Variants in ASB7 observed in about 807,000 individuals in gnomAD.
ASB7 encodes the protein ankyrin repeat and SOCS box containing 7.
A neutral mutation model predicts 32.5 loss-of-function variants in ASB7; 4 were observed. The ratio of observed to expected loss-of-function variants is 0.12; its 90% CI spans 0.06 to 0.28. The LOEUF is 0.28. Ranked by LOEUF, ASB7 falls within the 10% of genes least tolerant of loss-of-function variation. The pLI, the probability that ASB7 is intolerant of heterozygous loss-of-function variation, is 1.00. For missense variants in ASB7, 181 were observed against 407.1 expected (o/e 0.44, Z 4.78); for synonymous variants, 172 against 155.6 (o/e 1.11, Z -0.78).
rs550837638 is a variant in ASB7, at chr15:100,645,556, A to G, written c.818-2767A>G. The G allele has an allele frequency of 2.3e-5, 16 of 691,024 alleles. 1 individual carries two copies. The Admixed American group carries it at 2.4e-4, about 10-fold the overall frequency. The allele number at this position is 691,024 out of a possible 1,614,324, so 42.8% of individuals were successfully genotyped here. On this transcript the variant is annotated intron_variant, in intron 5 of 5. Transcript: ENST00000332783. Reference sequence around the variant, plus strand: ...CCACATCATAGAGAGGAGCCTTACAACTTCTTGAATCCCACAGCTTGACGG... The same window carrying G: ...CCACATCATAGAGAGGAGCCTTACAGCTTCTTGAATCCCACAGCTTGACGG...
chr15:100,624,393 C>T (rs1009331361), intron 4 of ASB7, among the ~76,000 whole-genome samples: 1 of 152,148 alleles, frequency 6.6e-6, no homozygotes, highest in African/African-American at 2.4e-5. Flanking sequence ...ACATTCTGTG[C>T]ATGTAATAGA....
chr15:100,636,390 G>A (rs549141056), intron 5 of ASB7, among the ~76,000 whole-genome samples: 1 of 152,270 alleles, frequency 6.6e-6, no homozygotes, highest in African/African-American at 2.4e-5. Flanking sequence ...ACTTAAAATA[G>A]GAAAAACATA....
intron 4 of ASB7, among the ~76,000 whole-genome samples, chr15:100,614,592 A>G (rs1384987389): frequency 1.3e-5 from 2 of 152,080 alleles, no homozygotes; most frequent in African/African-American, 4.8e-5. Context: ...TATCAAAACC[A>G]ATGGTGGGGG....
chr15:100,643,474 C>CTTTTTTT (rs1345038322), intron 5 of ASB7, among the ~76,000 whole-genome samples: 2 of 132,600 alleles, frequency 1.5e-5, no homozygotes, highest in African/African-American at 2.9e-5. Flanking sequence ...TCAGTCCCTT[C>CTTTTTTT]TTCTTTTTTT....
chr15:100,627,820 C>A (rs1273931175), intron 4 of ASB7, among the ~76,000 whole-genome samples: 1 of 152,178 alleles, frequency 6.6e-6, no homozygotes, highest in Non-Finnish European at 1.5e-5. Context: ...TTAGAAATGA[C>A]CTCTGGCAAG....
intron 4 of ASB7, among the ~76,000 whole-genome samples, chr15:100,623,077 A>G (rs1456991658): frequency 6.6e-6 from 1 of 152,220 alleles, no homozygotes; most frequent in Non-Finnish European, 1.5e-5. Context: ...CAAGGAACTC[A>G]ACAGTAAAAA....
At chr15:100,617,461 C>T (rs116756306) in intron 4 of ASB7, among the ~76,000 whole-genome samples, 2,014 of 152,292 alleles carry the variant, frequency 0.013, 43 homozygotes, top group African/African-American at 0.043. Context: ...GGTCACGCTT[C>T]TGCTCTCTCC....
At chr15:100,603,791 G>A (rs543759190) in intron 2 of ASB7, among the ~76,000 whole-genome samples, 2 of 152,258 alleles carry the variant, frequency 1.3e-5, no homozygotes, top group African/African-American at 4.8e-5. Context: ...AACTGACAAC[G>A]ATTTGGTAGA....
intron 4 of ASB7, among the ~76,000 whole-genome samples, chr15:100,619,399 T>C (rs1269582789): frequency 6.6e-6 from 1 of 152,206 alleles, no homozygotes; most frequent in African/African-American, 2.4e-5. Context: ...GTAAATTAGC[T>C]AGTTATAGTA....
chr15:100,611,708 G>A (rs932524810), intron 3 of ASB7, among the ~76,000 whole-genome samples: 2 of 151,272 alleles, frequency 1.3e-5, no homozygotes, highest in Non-Finnish European at 2.9e-5. Flanking sequence ...TCAAACTCCT[G>A]GCCTCAAGTG....
Position 100,629,366 on chromosome 15 carries a change from G to T in ASB7, c.212-71G>T. The T allele has an allele frequency of 7.4e-7, 1 of 1,345,536 alleles. No homozygotes were observed. The highest frequency in any genetic ancestry group is 1.0e-6 in the Non-Finnish European group (1 of 969,868). 83.3% of individuals were successfully genotyped at this position (1,345,536 alleles called of 1,614,324 possible). On this transcript the variant is annotated intron_variant, in intron 4 of 5. Coordinates refer to ENST00000332783, the MANE Select transcript of ASB7 (RefSeq NM_198243.3). This position sits in a 1 kb window ranked among gnomAD's most constrained non-coding sequence, Gnocchi z 6.8. ...TTTATATGAGAATTGGCCACAGTTT[G>T]CTGTGCCATGGTAATGTTTGTTGTT...
At chr15:100,621,370 A>G (rs1418500660) in intron 4 of ASB7, among the ~76,000 whole-genome samples, 1 of 152,210 alleles carries the variant, frequency 6.6e-6, no homozygotes, top group Non-Finnish European at 1.5e-5. Flanking sequence ...AATTTTTCAA[A>G]CGTAGGCATT....
At chr15:100,614,240 C>T (rs1317632958) in intron 4 of ASB7, among the ~76,000 whole-genome samples, 1 of 148,612 alleles carries the variant, frequency 6.7e-6, no homozygotes, top group African/African-American at 2.5e-5. Flanking sequence ...TGCCACTGCA[C>T]TCCTGCCTGG....
chr15:100,623,720 CAAAG>C (rs1567114523), intron 4 of ASB7, among the ~76,000 whole-genome samples: 1 of 151,650 alleles, frequency 6.6e-6, no homozygotes. Context: ...ATCCAGCAGT[CAAAG>C]AAAACTCTTA....
In ASB7 at chr15:100,641,155, C is replaced by T. The variant is rs72761278; in HGVS notation, c.818-7168C>T. ...GTGCACATTTGTATTGATTTTTCTT[C>T]TTTCATTCTCTTTATTCTCTTTCTC... On this transcript the variant is annotated intron_variant, in intron 5 of 5. Coordinates refer to ENST00000332783, the MANE Select transcript of ASB7 (RefSeq NM_198243.3). 1.7e-3 allele frequency among the ~76,000 whole-genome samples: 262 copies of T among 152,264 alleles called. 1 individual carries two copies. Among genetic ancestry groups the T allele is most frequent in the Non-Finnish European group, 3.0e-3 (205 of 68,016 alleles).
rs190013875 is a variant in ASB7 at position 100,612,672 on chromosome 15, A to G, written c.211+245A>G. On this transcript the variant is annotated intron_variant, in intron 4 of 5. Coordinates refer to ENST00000332783, the MANE Select transcript of ASB7 (RefSeq NM_198243.3). ...AGTGTCTGTACAGCCAGGTTTGCCC[A>G]GGTTATTTCAGCTAAGCTACCTTTC... 1.8e-4 allele frequency among the ~76,000 whole-genome samples: 27 copies of G among 152,318 alleles called. 1 individual carries two copies. Among genetic ancestry groups the G allele is most frequent in the African/African-American group, 5.8e-4 (24 of 41,578 alleles).
In ASB7 at chr15:100,603,257, G is replaced by A. The variant is rs2039581547; in HGVS notation, c.-230G>A. On this transcript the variant is annotated 5_prime_UTR_variant, in exon 2 of 6. Coordinates refer to ENST00000332783, the MANE Select transcript of ASB7 (RefSeq NM_198243.3). ...AAGACGCGAAAGCAGGAAGAGGTCTGCCCACCTATCAGAGAAGCAGAAGGC... is the reference window on the plus strand; with the variant it reads ...AAGACGCGAAAGCAGGAAGAGGTCTACCCACCTATCAGAGAAGCAGAAGGC... 2 of 357,764 alleles carry A rather than the reference G, an allele frequency of 5.6e-6. No individual in the cohort carries two copies. The highest frequency in any genetic ancestry group is 9.9e-6 in the Non-Finnish European group (2 of 201,326). 22.2% of individuals were successfully genotyped at this position (357,764 alleles called of 1,614,324 possible). A position where few individuals can be genotyped will look rare whatever the true frequency, so the allele number is the denominator to read the frequency against.
At position 100,628,708 on chromosome 15, in the gene ASB7, C is replaced by G. The variant is rs140327188; in HGVS notation, c.212-729C>G. On this transcript the variant is annotated intron_variant, in intron 4 of 5. Coordinates refer to ENST00000332783, the MANE Select transcript of ASB7 (RefSeq NM_198243.3). ...CAGATAAATTATTATAGTTGTTTTT[C>G]CTTCCCCAGAGATCAGTCAATTAGG... Among the ~76,000 whole-genome samples the G allele has an allele frequency of 9.2e-5, 14 of 152,232 alleles. No individual in the cohort carries two copies. In the East Asian group the frequency reaches 2.7e-3, roughly 29 times the overall value.
At chr15:100,610,822 A>T (rs1277364398) in intron 3 of ASB7, among the ~76,000 whole-genome samples, 1 of 152,240 alleles carries the variant, frequency 6.6e-6, no homozygotes, top group East Asian at 1.9e-4. Flanking sequence ...ACAGTTTAAA[A>T]AATGTTTAGA....
Sources: gnomAD v4.1 joint callset for allele counts (sites outside exome capture counted in the v4.1 genomes callset) on GRCh38, gnomAD v4.1.1 for gene constraint, Gnocchi (gnomAD v3.1) non-coding constraint, MANE v1.5 for transcripts, NCBI Gene and HGNC (gene_info 2026-07-23, HGNC 2026-07-21) for gene names.